The following SIPA1L3 variants were observed in gnomAD, a reference collection of about 807,000 sequenced individuals.
The protein encoded by SIPA1L3 is signal-induced proliferation-associated 1-like protein 3.
In SIPA1L3, 59 loss-of-function variants were observed where a neutral mutation model predicts 150.1. That is an observed-to-expected ratio of 0.39 (90% CI 0.32 to 0.49). The LOEUF (loss-of-function observed/expected upper bound fraction) is 0.49. Ranked by LOEUF, SIPA1L3 falls within the 20% of genes least tolerant of loss-of-function variation. The pLI is 0.86. For missense variants in SIPA1L3, 2,211 were observed against 2,489.5 expected (o/e 0.89, Z 2.38); for synonymous variants, 1,070 against 1,077.6 (o/e 0.99, Z 0.14).
chr19:38,043,868 G>A (rs913479580), intron 2 of SIPA1L3, among the ~76,000 whole-genome samples: 2 of 152,198 alleles, frequency 1.3e-5, no homozygotes, highest in Admixed American at 6.5e-5. Flanking sequence ...ACATGGATAG[G>A]GGGAGGGTTC....
intron 2 of SIPA1L3, among the ~76,000 whole-genome samples, chr19:38,074,227 G>C (rs1410225272): frequency 1.3e-5 from 2 of 152,232 alleles, no homozygotes; most frequent in African/African-American, 4.8e-5. Flanking sequence ...GCAGCTGCTA[G>C]GAGAAGGGAT....
intron 1 of SIPA1L3, among the ~76,000 whole-genome samples, chr19:37,967,456 G>A (rs1011158681): frequency 3.9e-5 from 6 of 152,064 alleles, no homozygotes; most frequent in African/African-American, 1.4e-4. Flanking sequence ...GTTTCACCAT[G>A]TTGGCCAGGC....
chr19:38,107,375 G>T (rs552430352), intron 7 of SIPA1L3, among the ~76,000 whole-genome samples: 11 of 152,294 alleles, frequency 7.2e-5, no homozygotes, highest in African/African-American at 2.4e-4. Flanking sequence ...ACGGATGGAG[G>T]TTGGGGAGGT....
intron 8 of SIPA1L3, among the ~76,000 whole-genome samples, chr19:38,113,940 C>T (rs1012561896): frequency 3.3e-5 from 5 of 152,088 alleles, no homozygotes; most frequent in Non-Finnish European, 5.9e-5. Flanking sequence ...AATGGCCACC[C>T]GCATCATCCC....
Position 38,047,954 on chromosome 19 carries a change from T to C in SIPA1L3, c.-311+18798T>C, listed in dbSNP as rs1392652575. Among the ~76,000 whole-genome samples, 2 of 151,970 alleles carry C rather than the reference T, an allele frequency of 1.3e-5. No homozygotes were observed. Among genetic ancestry groups the C allele is most frequent in the Non-Finnish European group, 2.9e-5 (2 of 67,970 alleles). ...GAAACCGGCGGTAACTCCACTGTGG[T>C]AAAGGATGTGAGGGAAACAGTGACC... On this transcript the variant is annotated intron_variant, in intron 2 of 21. Coordinates refer to ENST00000222345, the MANE Select transcript of SIPA1L3 (RefSeq NM_015073.3). The surrounding 1 kb of genome is among the most constrained non-coding windows in gnomAD (Gnocchi z 4.7).
chr19:38,143,056 G>A (rs1043019774), intron 12 of SIPA1L3, among the ~76,000 whole-genome samples: 4 of 152,064 alleles, frequency 2.6e-5, no homozygotes, highest in Non-Finnish European at 4.4e-5. Flanking sequence ...CCCAGTTTTC[G>A]AGATCTTTCA....
intron 15 of SIPA1L3, among the ~76,000 whole-genome samples, chr19:38,166,742 A>G (rs777092745): frequency 6.6e-6 from 1 of 152,042 alleles, no homozygotes; most frequent in Non-Finnish European, 1.5e-5. Flanking sequence ...GGCTAGCCTG[A>G]GTCCCCGATA....
chr19:38,111,598 G>C (rs1174040414), intron 8 of SIPA1L3, among the ~76,000 whole-genome samples: 1 of 152,224 alleles, frequency 6.6e-6, no homozygotes, highest in Non-Finnish European at 1.5e-5. Context: ...TCTACCAGCT[G>C]CCTCCCTCGG....
At position 38,100,145 on chromosome 19, in the gene SIPA1L3, C is replaced by A; in HGVS notation, c.1849C>A (p.Gln617Lys). Reference sequence around the variant, plus strand: ...GGAGCAACTGCTGAAGCTCGATGAGCAAGGGGTGAGTCAGGGGCTGGAGGT... The same window carrying A: ...GGAGCAACTGCTGAAGCTCGATGAGAAAGGGGTGAGTCAGGGGCTGGAGGT... Reference protein sequence around the residue: ...VTEQLLKLDEQGLCRKHKVGI... With the variant: ...VTEQLLKLDEKGLCRKHKVGI... The change falls in exon 5 of 22, where the codon CAA becomes AAA. Residue 617 changes from glutamine to lysine, a missense_variant. This residue lies in a region of SIPA1L3 where 625 missense variants were observed against 804.2 expected (regional missense o/e 0.78). Transcript: ENST00000222345. The A allele has an allele frequency of 6.3e-7, 1 of 1,575,920 alleles. No homozygotes were observed. Among genetic ancestry groups the A allele is most frequent in the Non-Finnish European group, 8.6e-7 (1 of 1,162,142 alleles).
intron 1 of SIPA1L3, among the ~76,000 whole-genome samples, chr19:37,938,472 T>A (rs1019280634): frequency 6.6e-6 from 1 of 152,220 alleles, no homozygotes; most frequent in African/African-American, 2.4e-5. Flanking sequence ...AAAACTTTTT[T>A]ACTTTTGCCA....
chr19:37,935,227 C>T (rs1056608224), intron 1 of SIPA1L3, among the ~76,000 whole-genome samples: 3 of 152,104 alleles, frequency 2.0e-5, no homozygotes, highest in Non-Finnish European at 4.4e-5. Context: ...ATTCATCACA[C>T]TTAGCCAGAT....
rs1234444093 is a variant in SIPA1L3, at chr19:38,046,342, G to A, written c.-311+17186G>A. ...GGCCTCATTTCCTCTCAGGCCCAGCGCTGCCAGCAGCCTGTCCCCCCTCCT... is the reference window on the plus strand; with the variant it reads ...GGCCTCATTTCCTCTCAGGCCCAGCACTGCCAGCAGCCTGTCCCCCCTCCT... On this transcript the variant is annotated intron_variant, in intron 2 of 21. Transcript: ENST00000222345. The surrounding 1 kb of genome is among the most constrained non-coding windows in gnomAD (Gnocchi z 5.6). 6.6e-6 allele frequency among the ~76,000 whole-genome samples: 1 copy of A among 152,138 alleles called. No individual in the cohort carries two copies. The highest frequency in any genetic ancestry group is 1.5e-5 in the Non-Finnish European group (1 of 68,024).
chr19:37,999,316 G>T (rs1376438755), intron 1 of SIPA1L3, among the ~76,000 whole-genome samples: 1 of 152,182 alleles, frequency 6.6e-6, no homozygotes, highest in Non-Finnish European at 1.5e-5. Context: ...GGGGTGGAGG[G>T]AGCCACAAGC....
chr19:38,101,351 T>G, intron 6 of SIPA1L3, 125 bp downstream of exon 6: 1 of 604,288 alleles, frequency 1.7e-6, no homozygotes, highest in East Asian at 3.2e-5. Context: ...AGACTTCACT[T>G]GTAGGAGCAC....
chr19:37,999,963 T>G (rs994741608), intron 1 of SIPA1L3, among the ~76,000 whole-genome samples: 1 of 152,216 alleles, frequency 6.6e-6, no homozygotes, highest in Admixed American at 6.5e-5. Context: ...CTAACACTTG[T>G]GACCTTGAGA....
intron 2 of SIPA1L3, among the ~76,000 whole-genome samples, chr19:38,030,961 G>A (rs1968642477): frequency 6.6e-6 from 1 of 152,050 alleles, no homozygotes; most frequent in East Asian, 1.9e-4. Context: ...GCCAAGCTGC[G>A]GGAACTGAGT....
intron 1 of SIPA1L3, among the ~76,000 whole-genome samples, chr19:37,966,523 C>T (rs1007375312): frequency 6.6e-6 from 1 of 151,858 alleles, no homozygotes; most frequent in African/African-American, 2.4e-5. Flanking sequence ...CTGGATGACT[C>T]CTGCCGTGCC....
intron 15 of SIPA1L3, among the ~76,000 whole-genome samples, chr19:38,180,605 G>A (rs968121952): frequency 4.1e-5 from 6 of 146,736 alleles, no homozygotes; most frequent in South Asian, 2.1e-4. Context: ...GCATAATGGC[G>A]TGATCTCGGC....
At chr19:38,091,530 G>A (rs1970257954) in intron 4 of SIPA1L3, among the ~76,000 whole-genome samples, 2 of 152,182 alleles carry the variant, frequency 1.3e-5, no homozygotes, top group South Asian at 4.1e-4. Flanking sequence ...ACGATTCTAG[G>A]GTGAAGACCC....
Sources: allele counts gnomAD v4.1 joint callset (sites outside exome capture counted in the v4.1 genomes callset), GRCh38; gene constraint gnomAD v4.1.1; regional missense constraint gnomAD v4.1.1; non-coding constraint Gnocchi (gnomAD v3.1); transcripts MANE v1.5; gene names NCBI Gene and HGNC (gene_info 2026-07-23, HGNC 2026-07-21).